DPP10: variants seen among roughly 807,000 people sequenced by gnomAD.
DPP10 encodes inactive dipeptidyl peptidase 10.
In DPP10, 33 loss-of-function variants were observed where a neutral mutation model predicts 120.9. The observed-to-expected ratio is 0.27, with a 90% CI of 0.21 to 0.37. The LOEUF is 0.37. DPP10 is among the 10% of genes least tolerant of loss of function. The pLI is 1.00. For synonymous variants in DPP10, 337 were observed against 326.1 expected, an observed-to-expected ratio of 1.03 and a Z score of -0.36; for missense variants, 816 against 942.8, an observed-to-expected ratio of 0.87 and a Z score of 1.76.
At chr2:114,445,731 G>C (rs1397058428) in intron 1 of DPP10, among the ~76,000 whole-genome samples, 1 of 152,100 alleles carries the variant, frequency 6.6e-6, no homozygotes, top group African/African-American at 2.4e-5. Context: ...ATGATCAAGA[G>C]TATTCAGGTT....
At chr2:114,812,096 G>C (rs758915090) in intron 1 of DPP10, among the ~76,000 whole-genome samples, 25 of 152,086 alleles carry the variant, frequency 1.6e-4, no homozygotes, top group Non-Finnish European at 3.1e-4. Flanking sequence ...AATATCAAAG[G>C]ATGACTCTTG....
At chr2:115,461,096 C>T (rs773730622) in intron 3 of DPP10, among the ~76,000 whole-genome samples, 30 of 152,058 alleles carry the variant, frequency 2.0e-4, no homozygotes, top group Admixed American at 2.6e-4. Context: ...TTTATTAGCT[C>T]CCCTGTGGCT....
At chr2:115,517,838 T>A (rs1277834393) in intron 4 of DPP10, among the ~76,000 whole-genome samples, 7 of 152,204 alleles carry the variant, frequency 4.6e-5, no homozygotes, top group Non-Finnish European at 1.0e-4. Context: ...TATCTACTAG[T>A]TCATTTTGTA....
chr2:114,710,752 A>T lies in DPP10; in HGVS notation c.60+267914A>T, dbSNP rs546112782. Among the ~76,000 whole-genome samples, 11 of 152,228 alleles carry T rather than the reference A, an allele frequency of 7.2e-5. 1 individual carries two copies. The South Asian group carries it at 1.9e-3, about 26-fold the overall frequency. ...AGAGCAAGACTCCGTCTAAAAAAAT[A>T]AAAAAAATTAAAAGCACAGATATGA... On this transcript the variant is annotated intron_variant, in intron 1 of 25. Transcript: ENST00000410059.
intron 1 of DPP10, among the ~76,000 whole-genome samples, chr2:114,861,229 C>G (rs1260106465): frequency 6.6e-6 from 1 of 152,198 alleles, no homozygotes; most frequent in Non-Finnish European, 1.5e-5. Context: ...CTGTACCCCT[C>G]CCTTCTTAGC....
At chr2:115,453,472 T>G (rs1180884411) in intron 3 of DPP10, among the ~76,000 whole-genome samples, 2 of 151,450 alleles carry the variant, frequency 1.3e-5, no homozygotes, top group Non-Finnish European at 1.5e-5. Context: ...CTGGCAAAAA[T>G]AGAATTAAAT....
intron 1 of DPP10, among the ~76,000 whole-genome samples, chr2:114,968,404 T>G (rs1699180250): frequency 6.6e-6 from 1 of 152,208 alleles, no homozygotes; most frequent in Admixed American, 6.5e-5. Context: ...TTATTAATTT[T>G]TACATGTATT....
intron 11 of DPP10, 96 bp downstream of exon 11, chr2:115,753,393 A>C: frequency 8.2e-7 from 1 of 1,214,116 alleles, no homozygotes; most frequent in Non-Finnish European, 1.1e-6. Flanking sequence ...AAAAAAATTC[A>C]GTGTTTAACT....
intron 13 of DPP10, among the ~76,000 whole-genome samples, chr2:115,775,241 T>G (rs1188953608): frequency 1.3e-5 from 2 of 151,856 alleles, no homozygotes; most frequent in Non-Finnish European, 2.9e-5. Flanking sequence ...AATGAAAGAA[T>G]AGCACTTATT....
At chr2:115,211,826 CGT>C (rs1415561212) in intron 1 of DPP10, among the ~76,000 whole-genome samples, 2 of 151,910 alleles carry the variant, frequency 1.3e-5, no homozygotes. Context: ...GAGATGTGTG[CGT>C]GTGTGTGTCA....
chr2:115,408,860 T>C (rs2068725813), intron 3 of DPP10, among the ~76,000 whole-genome samples: 1 of 151,916 alleles, frequency 6.6e-6, no homozygotes, highest in East Asian at 1.9e-4. Flanking sequence ...TTAAAAAACA[T>C]AAAAAATTTA....
At chr2:115,402,850 A>ATAT (rs1553584327) in intron 3 of DPP10, among the ~76,000 whole-genome samples, 15 of 57,996 alleles carry the variant, frequency 2.6e-4, no homozygotes, top group Non-Finnish European at 5.0e-4. Flanking sequence ...AGGAAAAAAA[A>ATAT]AAAAATATAT....
chr2:114,859,053 G>A (rs1284590104), intron 1 of DPP10, among the ~76,000 whole-genome samples: 2 of 151,954 alleles, frequency 1.3e-5, no homozygotes, highest in South Asian at 2.1e-4. Context: ...TTGGCCAGAC[G>A]CGGTGGCTCA....
chr2:114,999,762 CTG>C (rs1187971937), intron 1 of DPP10, among the ~76,000 whole-genome samples: 1 of 152,148 alleles, frequency 6.6e-6, no homozygotes, highest in African/African-American at 2.4e-5. Context: ...AGAACCTCCT[CTG>C]TATAGTTTTC....
At chr2:115,192,808 T>C (rs2054976836) in intron 1 of DPP10, among the ~76,000 whole-genome samples, 1 of 151,938 alleles carries the variant, frequency 6.6e-6, no homozygotes, top group African/African-American at 2.4e-5. Context: ...TTATAATTTT[T>C]GTTAAAGAGC....
intron 9 of DPP10, among the ~76,000 whole-genome samples, chr2:115,744,323 A>C (rs1007199365): frequency 3.3e-5 from 5 of 150,326 alleles, no homozygotes; most frequent in African/African-American, 1.2e-4. Flanking sequence ...TAGGCTAAAA[A>C]TTGAATAGAT....
intron 1 of DPP10, among the ~76,000 whole-genome samples, chr2:114,612,472 C>T (rs1573790266): frequency 6.6e-6 from 1 of 152,082 alleles, no homozygotes; most frequent in African/African-American, 2.4e-5. Context: ...GTGCTTTTTC[C>T]CTCATTTCTG....
chr2:115,009,876 C>G (rs1702136588), intron 1 of DPP10, among the ~76,000 whole-genome samples: 2 of 152,042 alleles, frequency 1.3e-5, no homozygotes, highest in Admixed American at 1.3e-4. Flanking sequence ...CTCATTAATA[C>G]AAATTTTTTT....
intron 1 of DPP10, among the ~76,000 whole-genome samples, chr2:114,449,276 G>A (rs1678117061): frequency 6.6e-6 from 1 of 151,964 alleles, no homozygotes; most frequent in South Asian, 2.1e-4. Context: ...AGGTTGGTAG[G>A]GCATAACTGG....
Sources: gnomAD v4.1 joint callset for allele counts (sites outside exome capture counted in the v4.1 genomes callset) on GRCh38, gnomAD v4.1.1 for gene constraint, MANE v1.5 for transcripts, NCBI Gene and HGNC (gene_info 2026-07-23, HGNC 2026-07-21) for gene names.